ADAMTS3: variants seen among roughly 807,000 people sequenced by gnomAD.
The protein encoded by ADAMTS3 is ADAM metallopeptidase with thrombospondin type 1 motif 3.
ADAMTS3 carries 73 observed loss-of-function variants against 129.0 expected under a neutral mutation model. That is an observed-to-expected ratio of 0.57 (90% CI 0.47 to 0.69). The LOEUF (loss-of-function observed/expected upper bound fraction) is 0.69, where lower values mean the gene tolerates loss of function less well. ADAMTS3 is among the 30% of genes least tolerant of loss of function. The pLI is 0.00. For synonymous variants in ADAMTS3, 477 were observed against 510.8 expected (o/e 0.93, Z 0.89); for missense variants, 1,457 against 1,514.5 (o/e 0.96, Z 0.63).
chr4:72,303,494 G>A (rs933090396), intron 17 of ADAMTS3, among the ~76,000 whole-genome samples: 14 of 151,882 alleles, frequency 9.2e-5, no homozygotes, highest in Non-Finnish European at 1.9e-4. Context: ...TCAGATCATT[G>A]ACAGATGAGA....
chr4:72,527,559 T>C (rs1466751686), intron 3 of ADAMTS3, among the ~76,000 whole-genome samples: 1 of 152,132 alleles, frequency 6.6e-6, no homozygotes, highest in African/African-American at 2.4e-5. Context: ...TAGATGTCCA[T>C]CTATTTATAT....
intron 21 of ADAMTS3, among the ~76,000 whole-genome samples, chr4:72,284,037 A>G (rs1560457539): frequency 6.6e-6 from 1 of 152,150 alleles, no homozygotes; most frequent in Non-Finnish European, 1.5e-5. Flanking sequence ...TTGTGGTTAA[A>G]TTTTTAGGAT....
intron 3 of ADAMTS3, among the ~76,000 whole-genome samples, chr4:72,489,584 C>A (rs1719685619): frequency 6.6e-6 from 1 of 151,914 alleles, no homozygotes; most frequent in South Asian, 2.1e-4. Context: ...GTTCTTCCTT[C>A]TGAGGTATAG....
At chr4:72,320,008 C>T (rs1173161419) in intron 7 of ADAMTS3, 45 bp from the exon 8 acceptor site, 1 of 1,535,978 alleles carries the variant, frequency 6.5e-7, no homozygotes, top group Admixed American at 1.7e-5. Flanking sequence ...TATGAGAAAA[C>T]CCATTAAGAA....
intron 3 of ADAMTS3, among the ~76,000 whole-genome samples, chr4:72,466,794 GA>G (rs1422641618): frequency 6.6e-6 from 1 of 151,872 alleles, no homozygotes; most frequent in Admixed American, 6.6e-5. Flanking sequence ...TACTATATAT[GA>G]GATGATACCC....
At chr4:72,284,306 G>A (rs1029581932) in intron 21 of ADAMTS3, among the ~76,000 whole-genome samples, 3 of 151,952 alleles carry the variant, frequency 2.0e-5, no homozygotes, top group South Asian at 2.1e-4. Context: ...TTAGCCAGGC[G>A]CGGTGGCAGG....
At chr4:72,510,819 CAAAAAA>C (rs869030257) in intron 3 of ADAMTS3, among the ~76,000 whole-genome samples, 4 of 63,668 alleles carry the variant, frequency 6.3e-5, no homozygotes, top group South Asian at 9.1e-4. Flanking sequence ...ATCCTTAAGC[CAAAAAA>C]AAAAAAAAAA....
chr4:72,372,935 T>A (rs114651439), intron 4 of ADAMTS3, among the ~76,000 whole-genome samples: 2,575 of 152,224 alleles, frequency 0.017, 56 homozygotes, highest in African/African-American at 0.059. Context: ...TGCTGACACA[T>A]CTAAGGAAAA....
chr4:72,411,343 A>G (rs893412895), intron 4 of ADAMTS3, among the ~76,000 whole-genome samples: 1 of 152,110 alleles, frequency 6.6e-6, no homozygotes, highest in Non-Finnish European at 1.5e-5. Flanking sequence ...GGAATAGCTT[A>G]GGGCTCCAGA....
chr4:72,351,556 C>CA (rs34564265), intron 4 of ADAMTS3, among the ~76,000 whole-genome samples: 37,677 of 124,778 alleles, frequency 0.3, 5,860 homozygotes, highest in East Asian at 0.67. Context: ...AGGAAATTTC[C>CA]AAAAAAAAAA....
chr4:72,381,536 C>T (rs377221444), intron 4 of ADAMTS3, among the ~76,000 whole-genome samples: 9 of 152,210 alleles, frequency 5.9e-5, no homozygotes, highest in South Asian at 2.1e-4. Flanking sequence ...CTGCTCCTAA[C>T]GTATTTCAAC....
intron 4 of ADAMTS3, among the ~76,000 whole-genome samples, chr4:72,340,133 A>C (rs1185771048): frequency 2.0e-5 from 3 of 152,122 alleles, no homozygotes; most frequent in Non-Finnish European, 4.4e-5. Flanking sequence ...GTGTCACATA[A>C]ATTTAAATTG....
At chr4:72,425,862 C>T (rs1355889489) in intron 3 of ADAMTS3, among the ~76,000 whole-genome samples, 1 of 151,648 alleles carries the variant, frequency 6.6e-6, no homozygotes, top group Non-Finnish European at 1.5e-5. Flanking sequence ...AATGGGATGG[C>T]TGGGTCAAAT....
Position 72,288,749 on chromosome 4 carries a change from A to G in ADAMTS3, c.3049+2T>C. On this transcript the variant is annotated splice_donor_variant, in intron 21 of 21. Coordinates refer to ENST00000286657, the MANE Select transcript of ADAMTS3 (RefSeq NM_014243.3). LOFTEE classifies it high-confidence loss of function. ...AGTGAAGTCAATTGGTGTGACACCT[A>G]CCATTACAAGGAGGCAGTTGACAGG... The G allele has an allele frequency of 6.3e-7, 1 of 1,593,454 alleles. No homozygotes were observed. Among genetic ancestry groups the G allele is most frequent in the Non-Finnish European group, 8.6e-7 (1 of 1,161,156 alleles).
intron 4 of ADAMTS3, among the ~76,000 whole-genome samples, chr4:72,414,041 T>C (rs1206104283): frequency 6.6e-6 from 1 of 151,916 alleles, no homozygotes; most frequent in Non-Finnish European, 1.5e-5. Context: ...TATATTTACT[T>C]ATATCCATGT....
At chr4:72,333,347 CA>C (rs957057531) in intron 5 of ADAMTS3, among the ~76,000 whole-genome samples, 9 of 152,076 alleles carry the variant, frequency 5.9e-5, no homozygotes, top group Admixed American at 5.9e-4. Context: ...CATTAACAAA[CA>C]GAATGTTCAA....
At chr4:72,446,271 T>G (rs1218996190) in intron 3 of ADAMTS3, among the ~76,000 whole-genome samples, 1 of 151,716 alleles carries the variant, frequency 6.6e-6, no homozygotes, top group Non-Finnish European at 1.5e-5. Flanking sequence ...GAAAAAGTCT[T>G]GCAAACATCT....
chr4:72,487,604 G>A (rs766493940), intron 3 of ADAMTS3, among the ~76,000 whole-genome samples: 13 of 151,930 alleles, frequency 8.6e-5, no homozygotes, highest in Non-Finnish European at 8.8e-5. Flanking sequence ...GTCTTATATC[G>A]GTTAGTGACA....
rs762375675 is a variant in ADAMTS3 at position 72,315,849 on chromosome 4, T to TA, written c.1599+8dup. 5 of 1,519,176 alleles carry TA rather than the reference T, an allele frequency of 3.3e-6. No individual in the cohort carries two copies. In the South Asian group the frequency reaches 4.6e-5, roughly 14 times the overall value. 94.1% of individuals were successfully genotyped at this position (1,519,176 alleles called of 1,614,324 possible). A position where few individuals can be genotyped will look rare whatever the true frequency, so the allele number is the denominator to read the frequency against. On this transcript the variant is annotated intron_variant, in intron 11 of 21. Transcript: ENST00000286657. ...CTTACATATTTATTGTGTAAATAGA[T>TA]ATACTCACTTTTCCAGCAGCACATT... is the stretch of plus-strand genomic sequence containing the variant.
Sources: allele counts gnomAD v4.1 joint callset (sites outside exome capture counted in the v4.1 genomes callset), GRCh38; gene constraint gnomAD v4.1.1; transcripts MANE v1.5; gene names NCBI Gene and HGNC (gene_info 2026-07-23, HGNC 2026-07-21).